Variants in WTAP observed in about 807,000 individuals in gnomAD.
The protein encoded by WTAP is pre-mRNA-splicing regulator WTAP.
A neutral mutation model predicts 50.0 loss-of-function variants in WTAP; 8 were observed. The observed-to-expected ratio is 0.16, with a 90% CI of 0.09 to 0.29. The LOEUF (loss-of-function observed/expected upper bound fraction) is 0.29. WTAP is among the 10% of genes least tolerant of loss of function. The pLI, the probability that WTAP is intolerant of heterozygous loss-of-function variation, is 1.00. For missense variants in WTAP, 295 were observed against 470.7 expected (o/e 0.63, Z 3.45); for synonymous variants, 194 against 169.0 (o/e 1.15, Z -1.15).
At chr6:159,734,688 A>G (rs1321304149) in intron 1 of WTAP, among the ~76,000 whole-genome samples, 1 of 152,220 alleles carries the variant, frequency 6.6e-6, no homozygotes, top group Non-Finnish European at 1.5e-5. Context: ...TATAAGAACT[A>G]ATTACTTAAT....
chr6:159,737,530 G>A (rs1778995167), intron 2 of WTAP, among the ~76,000 whole-genome samples: 1 of 151,788 alleles, frequency 6.6e-6, no homozygotes, highest in South Asian at 2.1e-4. Flanking sequence ...GTCTCACTCT[G>A]TTGCCCATGC....
chr6:159,750,332 AAC>A (rs1437780485), intron 6 of WTAP, among the ~76,000 whole-genome samples: 2 of 152,244 alleles, frequency 1.3e-5, no homozygotes, highest in Non-Finnish European at 2.9e-5. Flanking sequence ...ACACTTAGAT[AAC>A]AGTCATGAGT....
intron 1 of WTAP, among the ~76,000 whole-genome samples, 200 bp downstream of exon 1, chr6:159,727,903 T>C (rs1535475): frequency 0.78 from 118,090 of 152,224 alleles, 46,101 homozygotes; most frequent in South Asian, 0.85. Context: ...ATTTTATCTC[T>C]GTCCTCCGTC....
intron 3 of WTAP, 76 bp downstream of exon 3, chr6:159,739,121 G>C: frequency 8.3e-7 from 1 of 1,206,028 alleles, no homozygotes; most frequent in East Asian, 2.5e-5. Flanking sequence ...AATTGTCTTT[G>C]TGCCAGATAT....
chr6:159,743,651 T>G lies in WTAP; in HGVS notation c.146-14T>G. The G allele has an allele frequency of 6.3e-7, 1 of 1,580,572 alleles. No individual in the cohort carries two copies. Among genetic ancestry groups the G allele is most frequent in the South Asian group, 1.2e-5 (1 of 83,430 alleles). ...TCTTAAAATTGTATTTATAATTTTT[T>G]TTTGAATCATCAGCTAATGATGTAA... is the stretch of plus-strand genomic sequence containing the variant. On this transcript the variant is annotated splice_polypyrimidine_tract_variant and intron_variant, in intron 4 of 7. Coordinates refer to ENST00000621533, the MANE Select transcript of WTAP (RefSeq NM_001270531.2).
At chr6:159,727,019 C>A (rs1026953716), upstream of WTAP, 5 of 1,240,242 alleles carry the variant, frequency 4.0e-6, no homozygotes, top group Non-Finnish European at 5.2e-6. Context: ...CGAGGCAGCC[C>A]CGCAGCCGCA....
At chr6:159,749,061 C>T (rs746963545) in intron 6 of WTAP, 14 of 989,934 alleles carry the variant, frequency 1.4e-5, no homozygotes, top group African/African-American at 1.7e-5. Context: ...CTCTATATTA[C>T]TTGCTTGAGC....
At chr6:159,732,005 A>G (rs760460507) in intron 1 of WTAP, among the ~76,000 whole-genome samples, 7 of 152,210 alleles carry the variant, frequency 4.6e-5, no homozygotes, top group African/African-American at 7.2e-5. Context: ...TAGGGAAAGT[A>G]TCAGGTTGTA....
intron 2 of WTAP, 129 bp downstream of exon 2, chr6:159,736,424 T>A (rs1778921025): frequency 1.4e-6 from 1 of 733,936 alleles, no homozygotes; most frequent in African/African-American, 1.8e-5. Flanking sequence ...TTTGCCTTTA[T>A]AACAATAATA....
chr6:159,727,367 G>A, upstream of WTAP: 2 of 908,226 alleles, frequency 2.2e-6, no homozygotes, highest in Non-Finnish European at 2.9e-6. Flanking sequence ...TGGCGGAGCG[G>A]GGAGGCTGGC....
At chr6:159,736,632 C>G in intron 2 of WTAP, 1 of 186,918 alleles carries the variant, frequency 5.3e-6, no homozygotes, top group Non-Finnish European at 1.1e-5. Context: ...CAAATAATGT[C>G]AAAAATGGAC....
At chr6:159,743,932 T>C in intron 5 of WTAP, 140 bp downstream of exon 5, 1 of 979,236 alleles carries the variant, frequency 1.0e-6, no homozygotes, top group African/African-American at 1.7e-5. Flanking sequence ...GCTTTAAGAA[T>C]ACTAGATGAA....
In WTAP at chr6:159,739,621, TTC is replaced by T. The variant is rs1360971768; in HGVS notation, c.86+578_86+579del. Among the ~76,000 whole-genome samples, 7 of 152,308 alleles carry T rather than the reference TTC, an allele frequency of 4.6e-5. No individual in the cohort carries two copies. The East Asian group carries it at 1.3e-3, about 29-fold the overall frequency. The stretch of plus-strand genomic sequence containing the variant: ...TTCTGTGTTTTGTAATTTAAATATA[TTC>T]TTTCTGTATTTTATTGCTATGGTTA... On this transcript the variant is annotated intron_variant, in intron 3 of 7. Transcript: ENST00000621533.
At chr6:159,738,907 T>G (rs1173855383) in intron 2 of WTAP, 83 bp from the exon 3 acceptor site, 3 of 998,442 alleles carry the variant, frequency 3.0e-6, no homozygotes, top group Admixed American at 4.5e-5. Context: ...AATCTCACAC[T>G]TGGGAGATGT....
In WTAP at chr6:159,727,689, C is replaced by T. The variant is rs796803487; in HGVS notation, c.-23C>T. 40 of 985,122 alleles carry T rather than the reference C, an allele frequency of 4.1e-5. No homozygotes were observed. In the African/African-American group the frequency reaches 5.4e-4, roughly 13 times the overall value. The allele number at this position is 985,122 out of a possible 1,614,324, so 61.0% of individuals were successfully genotyped here. A position where few individuals can be genotyped will look rare whatever the true frequency, so the allele number is the denominator to read the frequency against. ...TATGCGACCGGTGGCGCCGGCGCGG[C>T]TTCTGCCTGGAGAGGTAGGCGCGGG... On this transcript the variant is annotated 5_prime_UTR_variant, in exon 1 of 8. Transcript: ENST00000621533.
chr6:159,734,103 G>T (rs776357565), intron 1 of WTAP, among the ~76,000 whole-genome samples: 11 of 152,302 alleles, frequency 7.2e-5, no homozygotes, highest in Non-Finnish European at 1.5e-4. Context: ...AAAACATGCT[G>T]TTGGAAGATT....
At chr6:159,749,335 T>C in intron 6 of WTAP, 6 of 985,834 alleles carry the variant, frequency 6.1e-6, no homozygotes, top group Non-Finnish European at 7.2e-6. Context: ...GCTTTGTCGT[T>C]GGTGTTAATG....
chr6:159,727,862 C>T (rs891935225), intron 1 of WTAP, among the ~76,000 whole-genome samples, 159 bp downstream of exon 1: 1 of 152,222 alleles, frequency 6.6e-6, no homozygotes, highest in Admixed American at 6.5e-5. Flanking sequence ...ACCTTCCCGC[C>T]TGCGGGGAAC....
At chr6:159,729,707 T>C (rs1157923114) in intron 1 of WTAP, among the ~76,000 whole-genome samples, 1 of 152,232 alleles carries the variant, frequency 6.6e-6, no homozygotes, top group Non-Finnish European at 1.5e-5. Flanking sequence ...ACATGGCAGA[T>C]AGAGGATAAG....
Sources: allele counts gnomAD v4.1 joint callset (sites outside exome capture counted in the v4.1 genomes callset), GRCh38; gene constraint gnomAD v4.1.1; transcripts MANE v1.5; gene names NCBI Gene and HGNC (gene_info 2026-07-23, HGNC 2026-07-21).